Variants in DTWD2 observed in about 807,000 individuals in gnomAD.
The protein encoded by DTWD2 is tRNA-uridine aminocarboxypropyltransferase 2.
DTWD2 carries 39 observed loss-of-function variants against 31.8 expected under a neutral mutation model. The ratio of observed to expected loss-of-function variants is 1.22; its 90% CI spans 0.95 to 1.60. The LOEUF (loss-of-function observed/expected upper bound fraction) is 1.60. Among genes scored for constraint, DTWD2 ranks in the 40% most tolerant of loss-of-function variants. DTWD2 has a pLI of 0.00. For synonymous variants in DTWD2, 180 were observed against 142.8 expected, an observed-to-expected ratio of 1.26 and a Z score of -1.86; for missense variants, 515 against 381.5, an observed-to-expected ratio of 1.35 and a Z score of -2.92.
intron 1 of DTWD2, among the ~76,000 whole-genome samples, chr5:118,974,832 A>G (rs567679802): frequency 3.9e-5 from 6 of 152,258 alleles, no homozygotes; most frequent in East Asian, 1.9e-4. Context: ...TCTTTTATTT[A>G]AGAATGTTGA....
chr5:118,882,308 C>A (rs1313634224), intron 4 of DTWD2, among the ~76,000 whole-genome samples: 1 of 152,218 alleles, frequency 6.6e-6, no homozygotes, highest in African/African-American at 2.4e-5. Context: ...ACATCTCAGC[C>A]CCTGTGGCTC....
chr5:118,922,950 G>T (rs1753734681), intron 4 of DTWD2, among the ~76,000 whole-genome samples: 1 of 151,882 alleles, frequency 6.6e-6, no homozygotes, highest in Admixed American at 6.6e-5. Flanking sequence ...TCTTTTTTGA[G>T]AACTCCTCAA....
chr5:118,988,113 G>T, intron 1 of DTWD2, 181 bp downstream of exon 1: 1 of 769,962 alleles, frequency 1.3e-6, no homozygotes, highest in Non-Finnish European at 2.2e-6. Flanking sequence ...CATGAACCTG[G>T]AAAAAGGGCT....
intron 1 of DTWD2, among the ~76,000 whole-genome samples, chr5:118,959,680 A>G (rs73239097): frequency 0.01 from 1,532 of 152,298 alleles, 32 homozygotes; most frequent in African/African-American, 0.035. Context: ...AAGCTGGAGC[A>G]AACACATTAC....
At position 118,839,821 on chromosome 5, in the gene DTWD2, T is replaced by C. The variant is rs1751668650; in HGVS notation, c.*1096A>G. 1 of 152,210 alleles carries C rather than the reference T, an allele frequency of 6.6e-6. No homozygotes were observed. Among genetic ancestry groups the C allele is most frequent in the South Asian group, 2.1e-4 (1 of 4,836 alleles). 9.4% of individuals were successfully genotyped at this position (152,210 alleles called of 1,614,324 possible). A position where few individuals can be genotyped will look rare whatever the true frequency, so the allele number is the denominator to read the frequency against. Reference sequence around the variant, plus strand: ...CTAATCCAAGTAAATAATAAACAAATGATCATGAAAACTGTGAGAAATAAT... The same window carrying C: ...CTAATCCAAGTAAATAATAAACAAACGATCATGAAAACTGTGAGAAATAAT... On this transcript the variant is annotated 3_prime_UTR_variant, in exon 6 of 6. Transcript: ENST00000510708.
Position 118,863,300 on chromosome 5 carries a change from G to C in DTWD2, c.598-15082C>G, listed in dbSNP as rs570928221. Among the ~76,000 whole-genome samples the C allele has an allele frequency of 3.9e-5, 6 of 152,262 alleles. No homozygotes were observed. In the East Asian group the frequency reaches 1.2e-3, roughly 29 times the overall value. ...CAAGGGAATGCATACTGTAAATCAA[G>C]TATGCATATATTATATGCTGCCTAT... On this transcript the variant is annotated intron_variant, in intron 4 of 5. Transcript: ENST00000510708.
chr5:118,943,534 G>C (rs1433611581), intron 2 of DTWD2, among the ~76,000 whole-genome samples: 1 of 144,794 alleles, frequency 6.9e-6, no homozygotes, highest in Non-Finnish European at 1.5e-5. Context: ...TTGGGCAACA[G>C]AGCAAGACTC....
At chr5:118,858,237 T>A (rs2149543168) in intron 4 of DTWD2, among the ~76,000 whole-genome samples, 1 of 152,280 alleles carries the variant, frequency 6.6e-6, no homozygotes, top group Non-Finnish European at 1.5e-5. Flanking sequence ...AAAATGAGAT[T>A]TTCTGTCATT....
chr5:118,911,498 T>C (rs1180226240), intron 4 of DTWD2, among the ~76,000 whole-genome samples: 1 of 152,182 alleles, frequency 6.6e-6, no homozygotes, highest in Admixed American at 6.6e-5. Flanking sequence ...GCAATCCTAC[T>C]TCTGGGTATA....
chr5:118,932,756 C>A (rs778488244), intron 3 of DTWD2, among the ~76,000 whole-genome samples: 37 of 152,110 alleles, frequency 2.4e-4, no homozygotes, highest in Non-Finnish European at 4.7e-4. Context: ...CAAGGAGAGG[C>A]CTCAGGAGAA....
chr5:118,948,031 ATAGG>A (rs1202835929), intron 1 of DTWD2, among the ~76,000 whole-genome samples: 1 of 152,182 alleles, frequency 6.6e-6, no homozygotes, highest in Non-Finnish European at 1.5e-5. Flanking sequence ...ACATATTGTA[ATAGG>A]TAGTTCATCT....
rs1755492654 is a variant in DTWD2 at position 118,988,543 on chromosome 5, A to G, written c.-32T>C. 4.1e-6 allele frequency: 6 copies of G among 1,477,586 alleles called. No homozygotes were observed. The highest frequency in any genetic ancestry group is 4.5e-6 in the Non-Finnish European group (5 of 1,117,124). 91.5% of individuals were successfully genotyped at this position (1,477,586 alleles called of 1,614,324 possible). ...CACTCCGGTCAGGCCGTGGCATTGA[A>G]GCCCGGCTGCCGCCGGGGGGCGCCA... On this transcript the variant is annotated 5_prime_UTR_variant, in exon 1 of 6. Transcript: ENST00000510708.
chr5:118,868,824 A>G (rs1006648584), intron 4 of DTWD2, among the ~76,000 whole-genome samples: 2 of 149,112 alleles, frequency 1.3e-5, no homozygotes, highest in Non-Finnish European at 3.0e-5. Context: ...ATGAGAGATC[A>G]AGACCCTGTC....
intron 1 of DTWD2, among the ~76,000 whole-genome samples, chr5:118,981,863 T>C (rs1324238822): frequency 6.6e-6 from 1 of 152,200 alleles, no homozygotes; most frequent in Non-Finnish European, 1.5e-5. Flanking sequence ...AAAAGAATCT[T>C]TAGATTAGAA....
intron 1 of DTWD2, among the ~76,000 whole-genome samples, chr5:118,970,598 T>A (rs1754962839): frequency 6.6e-6 from 1 of 152,068 alleles, no homozygotes. Flanking sequence ...TTCCCCAACC[T>A]AGCAAGACAA....
chr5:118,841,789 C>A (rs1277580531), intron 5 of DTWD2, among the ~76,000 whole-genome samples: 8 of 150,304 alleles, frequency 5.3e-5, no homozygotes, highest in Non-Finnish European at 7.4e-5. Context: ...AAAAAAAAAA[C>A]AACACTATGC....
chr5:118,861,157 T>C (rs1472932853), intron 4 of DTWD2, among the ~76,000 whole-genome samples: 4 of 152,230 alleles, frequency 2.6e-5, no homozygotes, highest in African/African-American at 4.8e-5. Flanking sequence ...TGTCTCCCAA[T>C]GGTTACCTGG....
chr5:118,946,985 G>A (rs531733021), intron 1 of DTWD2, among the ~76,000 whole-genome samples: 3 of 152,184 alleles, frequency 2.0e-5, no homozygotes, highest in East Asian at 1.9e-4. Flanking sequence ...CAAGTGATCC[G>A]CCCACCTCAG....
At position 118,901,279 on chromosome 5, in the gene DTWD2, C is replaced by T. The variant is rs1488669437; in HGVS notation, c.597+27258G>A. 2.6e-5 allele frequency among the ~76,000 whole-genome samples: 4 copies of T among 152,116 alleles called. 1 individual carries two copies. Among genetic ancestry groups the T allele is most frequent in the Non-Finnish European group, 5.9e-5 (4 of 68,014 alleles). On this transcript the variant is annotated intron_variant, in intron 4 of 5. Coordinates refer to ENST00000510708, the MANE Select transcript of DTWD2 (RefSeq NM_173666.4). ...AAAAAGGGGAGGGGAGAATTCCAAA[C>T]ACACATAAGTGTTTACATTGCACAG...
Sources: gnomAD v4.1 joint callset for allele counts (sites outside exome capture counted in the v4.1 genomes callset) on GRCh38, gnomAD v4.1.1 for gene constraint, MANE v1.5 for transcripts, NCBI Gene and HGNC (gene_info 2026-07-23, HGNC 2026-07-21) for gene names.